Variants in MEX3A observed in about 807,000 individuals in gnomAD.
MEX3A encodes the protein mex-3 RNA binding family member A, also known as RNA-binding protein MEX3A.
MEX3A carries 4 observed loss-of-function variants against 30.0 expected under a neutral mutation model. The ratio of observed to expected loss-of-function variants is 0.13; its 90% confidence interval spans 0.07 to 0.30. The LOEUF (loss-of-function observed/expected upper bound fraction) is 0.30. Among genes scored for constraint, MEX3A ranks in the 10% least tolerant of loss-of-function variants. The pLI is 1.00. For missense variants in MEX3A, 555 were observed against 736.7 expected, an observed-to-expected ratio of 0.75 and a Z score of 2.86; for synonymous variants, 335 against 327.6, an observed-to-expected ratio of 1.02 and a Z score of -0.24.
In MEX3A at chr1:156,072,238, T is replaced by C. The variant is rs1647925533; in HGVS notation, c.*4336A>G. The C allele has an allele frequency of 6.5e-6, 1 of 152,678 alleles. No individual in the cohort carries two copies. Among genetic ancestry groups the C allele is most frequent in the Non-Finnish European group, 1.5e-5 (1 of 68,030 alleles). 9.5% of individuals were successfully genotyped at this position (152,678 alleles called of 1,614,324 possible). On this transcript the variant is annotated 3_prime_UTR_variant, in exon 2 of 2. Coordinates refer to ENST00000532414, the MANE Select transcript of MEX3A (RefSeq NM_001093725.2). ...AAATTAAGTCTGACCACAATCCTAC[T>C]CTACTTTCTACAGTGGAGAGACCAT...
At chr1:156,081,060 C>A (rs1648213603) in intron 1 of MEX3A, among the ~76,000 whole-genome samples, 1 of 152,148 alleles carries the variant, frequency 6.6e-6, no homozygotes, top group South Asian at 2.1e-4. Context: ...TTCCTACACT[C>A]AGCCCAACAA....
Position 156,074,324 on chromosome 1 carries a change from A to G in MEX3A, c.*2250T>C, listed in dbSNP as rs915977924. The G allele has an allele frequency of 6.6e-6, 1 of 150,558 alleles. No homozygotes were observed. Among genetic ancestry groups the G allele is most frequent in the Non-Finnish European group, 1.5e-5 (1 of 67,652 alleles). 9.3% of individuals were successfully genotyped at this position (150,558 alleles called of 1,614,324 possible). A position where few individuals can be genotyped will look rare whatever the true frequency, so the allele number is the denominator to read the frequency against. On this transcript the variant is annotated 3_prime_UTR_variant, in exon 2 of 2. Transcript: ENST00000532414. ...ACCTAATAAAAAGTCTTTTTTTTTC[A>G]TATTAGCCCAGGTTCTTTGCTACAT...
Position 156,076,972 on chromosome 1 carries a change from G to T in MEX3A, c.1165C>A (p.Pro389Thr), listed in dbSNP as rs371884319. Reference sequence around the variant, plus strand: ...TTCTCCTGGCCCGCCCACAGCGGGGGGCTAGTCTCGGCCACGCCGTAGTAC... The same window carrying T: ...TTCTCCTGGCCCGCCCACAGCGGGGTGCTAGTCTCGGCCACGCCGTAGTAC... ...DVYYGVAETS[P>T]PLWAGQENAT... The change falls in exon 2 of 2, where the codon CCC (proline) becomes ACC (threonine). Residue 389 changes from proline (P) to threonine (T), a missense_variant. Transcript: ENST00000532414. This position sits in a 1 kb window ranked among gnomAD's most constrained non-coding sequence, Gnocchi z 6.0. The T allele has an allele frequency of 2.1e-5, 34 of 1,612,012 alleles. No homozygotes were observed. Among genetic ancestry groups the T allele is most frequent in the Non-Finnish European group, 2.9e-5 (34 of 1,179,284 alleles).
In MEX3A at chr1:156,076,666, T is replaced by G. The variant is rs1648070953; in HGVS notation, c.1471A>C (p.Met491Leu). The change falls in exon 2 of 2, where the codon ATG (methionine) becomes CTG (leucine). Residue 491 changes from methionine (M) to leucine (L), a missense_variant. Around this residue, in one of 6 missense-constraint regions of MEX3A, gnomAD observed 15 missense variants for 59.4 expected, o/e 0.25. Coordinates refer to ENST00000532414, the MANE Select transcript of MEX3A (RefSeq NM_001093725.2). The surrounding 1 kb of genome is among the most constrained non-coding windows in gnomAD (Gnocchi z 6.0). ...LVPCGHNLFC[M>L]ECAVRICERT... Reference sequence around the variant, plus strand: ...TCGCAGATGCGTACTGCACACTCCATGCAGAACAGGTTGTGTCCGCAGGGC... The same window carrying G: ...TCGCAGATGCGTACTGCACACTCCAGGCAGAACAGGTTGTGTCCGCAGGGC... 1.2e-6 allele frequency: 2 copies of G among 1,613,990 alleles called. No individual in the cohort carries two copies. Among genetic ancestry groups the G allele is most frequent in the South Asian group, 1.1e-5 (1 of 91,088 alleles).
chr1:156,081,723 CGGGGCGGCCG>C lies in MEX3A; in HGVS notation c.266_275del (p.Pro89ArgfsTer35). 1.0e-6 allele frequency: 1 copy of C among 971,304 alleles called. No individual in the cohort carries two copies. Among genetic ancestry groups the C allele is most frequent in the Non-Finnish European group, 1.2e-6 (1 of 800,250 alleles). The allele number at this position is 971,304 out of a possible 1,614,324, so 60.2% of individuals were successfully genotyped here. A position where few individuals can be genotyped will look rare whatever the true frequency, so the allele number is the denominator to read the frequency against. On this transcript the variant is annotated frameshift_variant, in exon 1 of 2. Coordinates refer to ENST00000532414, the MANE Select transcript of MEX3A (RefSeq NM_001093725.2). LOFTEE classifies it high-confidence loss of function. Reference sequence around the variant, plus strand: ...GCGTCTGCGCTGCGGGGGCCGCCGTCGGGGCGGCCGGGGGCGCCGCGGGCGGCGGCGGCGG... The same window carrying C: ...GCGTCTGCGCTGCGGGGGCCGCCGTCGGGGCGCCGCGGGCGGCGGCGGCGG...
rs957843890 is a variant in MEX3A at position 156,075,737 on chromosome 1, G to A, written c.*837C>T. 3 of 153,190 alleles carry A rather than the reference G, an allele frequency of 2.0e-5. No individual in the cohort carries two copies. Among genetic ancestry groups the A allele is most frequent in the African/African-American group, 7.2e-5 (3 of 41,412 alleles). The allele number at this position is 153,190 out of a possible 1,614,324, so 9.5% of individuals were successfully genotyped here. ...GGAAGGGAAGAAAGACAAAGACAAG[G>A]AACAAGACAGAGCTGGGAGTGACAG... On this transcript the variant is annotated 3_prime_UTR_variant, in exon 2 of 2. Transcript: ENST00000532414.
rs765689944 is a variant in MEX3A, at chr1:156,077,061, T to C, written c.1076A>G (p.Gln359Arg). The C allele has an allele frequency of 3.1e-6, 5 of 1,613,736 alleles. No individual in the cohort carries two copies. The highest frequency in any genetic ancestry group is 1.3e-5 in the African/African-American group (1 of 74,926). ...CCCGCCGTAGCCAAAGTCCCCGCCCTGCTCACCCAGGCGTGGGGCCTCAAA... is the reference window on the plus strand; with the variant it reads ...CCCGCCGTAGCCAAAGTCCCCGCCCCGCTCACCCAGGCGTGGGGCCTCAAA... ...SGFEAPRLGE[Q>R]GGDFGYGGYL... is the part of the protein sequence containing the mutation. The change falls in exon 2 of 2, where the codon CAG becomes CGG. Residue 359 changes from glutamine to arginine, a missense_variant. Gln to Arg is a conservative substitution (Grantham distance 43). Around this residue, in one of 6 missense-constraint regions of MEX3A, gnomAD observed 281 missense variants for 265.1 expected, o/e 1.06. Coordinates refer to ENST00000532414, the MANE Select transcript of MEX3A (RefSeq NM_001093725.2). This position sits in a 1 kb window ranked among gnomAD's most constrained non-coding sequence, Gnocchi z 8.3.
chr1:156,079,256 C>T (rs1648154534), intron 1 of MEX3A, among the ~76,000 whole-genome samples: 1 of 152,052 alleles, frequency 6.6e-6, no homozygotes, highest in African/African-American at 2.4e-5. Flanking sequence ...CTCTGTCACC[C>T]AGGCTGGAGT....
At chr1:156,080,941 A>G (rs1208932921) in intron 1 of MEX3A, among the ~76,000 whole-genome samples, 1 of 152,120 alleles carries the variant, frequency 6.6e-6, no homozygotes, top group African/African-American at 2.4e-5. Flanking sequence ...AACCCCAGAG[A>G]CAATCCAACT....
At position 156,077,687 on chromosome 1, in the gene MEX3A, G is replaced by A. The variant is rs1186344880; in HGVS notation, c.455-5C>T. The A allele has an allele frequency of 1.9e-6, 3 of 1,578,238 alleles. No homozygotes were observed. In the East Asian group the frequency reaches 6.7e-5, roughly 35 times the overall value. ...TCAAGGCCTTAATCTTGCAGCCTGG[G>A]ATAGGGCGGGGAAGGAGAGAGACAA... On this transcript the variant is annotated splice_polypyrimidine_tract_variant and splice_region_variant and intron_variant, in intron 1 of 1. Transcript: ENST00000532414. This position sits in a 1 kb window ranked among gnomAD's most constrained non-coding sequence, Gnocchi z 8.3.
chr1:156,076,040 T>TG lies in MEX3A; in HGVS notation c.*533dup, dbSNP rs1648053550. ...TAGGACTCCAACTCCCTTACACTGC[T>TG]GGAAACTGGTGACAGTTTCCCAAAC... On this transcript the variant is annotated 3_prime_UTR_variant, in exon 2 of 2. Coordinates refer to ENST00000532414, the MANE Select transcript of MEX3A (RefSeq NM_001093725.2). This position sits in a 1 kb window ranked among gnomAD's most constrained non-coding sequence, Gnocchi z 6.0. 1 of 152,914 alleles carries TG rather than the reference T, an allele frequency of 6.5e-6. No homozygotes were observed. The highest frequency in any genetic ancestry group is 6.5e-5 in the Admixed American group (1 of 15,338). The allele number at this position is 152,914 out of a possible 1,614,324, so 9.5% of individuals were successfully genotyped here. A position where few individuals can be genotyped will look rare whatever the true frequency, so the allele number is the denominator to read the frequency against.
chr1:156,072,192 C>A lies in MEX3A; in HGVS notation c.*4382G>T, dbSNP rs529977552. 2.6e-5 allele frequency: 4 copies of A among 152,578 alleles called. No individual in the cohort carries two copies. The highest frequency in any genetic ancestry group is 5.9e-5 in the Non-Finnish European group (4 of 68,016). The allele number at this position is 152,578 out of a possible 1,614,324, so 9.5% of individuals were successfully genotyped here. On this transcript the variant is annotated 3_prime_UTR_variant, in exon 2 of 2. Transcript: ENST00000532414. ...AATCTTTTTCCTTGGTGGATTTGTA[C>A]GTGTCTTCACTAGATGCCTCAAATT... is the stretch of plus-strand genomic sequence containing the variant.
chr1:156,081,456 G>T, intron 1 of MEX3A, 89 bp downstream of exon 1: 1 of 1,157,212 alleles, frequency 8.6e-7, no homozygotes. Flanking sequence ...AGCCGGAGGC[G>T]GGCAAGAAGG....
Position 156,077,813 on chromosome 1 carries a change from C to G in MEX3A, c.455-131G>C. 1.5e-6 allele frequency: 2 copies of G among 1,311,900 alleles called. No homozygotes were observed. The highest frequency in any genetic ancestry group is 2.0e-6 in the Non-Finnish European group (2 of 986,234). The allele number at this position is 1,311,900 out of a possible 1,614,324, so 81.3% of individuals were successfully genotyped here. A position where few individuals can be genotyped will look rare whatever the true frequency, so the allele number is the denominator to read the frequency against. On this transcript the variant is annotated intron_variant, in intron 1 of 1. Transcript: ENST00000532414. This position sits in a 1 kb window ranked among gnomAD's most constrained non-coding sequence, Gnocchi z 8.3. ...ACACTTCAGTCTACCCTTTGAAATG[C>G]CCACTGCTGCACACACAGTCCACCC...
At position 156,075,772 on chromosome 1, in the gene MEX3A, G is replaced by GAAAGC. The variant is rs961764790; in HGVS notation, c.*797_*801dup. ...GAGCTGGGAGTGACAGCCACCAAAA[G>GAAAGC]AAAGCAAAGCAAAGAGCTGGAGGGA... On this transcript the variant is annotated 3_prime_UTR_variant, in exon 2 of 2. Coordinates refer to ENST00000532414, the MANE Select transcript of MEX3A (RefSeq NM_001093725.2). 1 of 153,176 alleles carries GAAAGC rather than the reference G, an allele frequency of 6.5e-6. No homozygotes were observed. Among genetic ancestry groups the GAAAGC allele is most frequent in the Non-Finnish European group, 1.5e-5 (1 of 68,478 alleles). 9.5% of individuals were successfully genotyped at this position (153,176 alleles called of 1,614,324 possible).
intron 1 of MEX3A, among the ~76,000 whole-genome samples, chr1:156,080,676 T>A (rs1648194569): frequency 6.6e-6 from 1 of 151,814 alleles, no homozygotes; most frequent in Admixed American, 6.5e-5. Flanking sequence ...GAGGGTGTGG[T>A]ACCAGACATA....
rs1406157757 is a variant in MEX3A at position 156,077,181 on chromosome 1, T to C, written c.956A>G (p.Asp319Gly). 6.2e-7 allele frequency: 1 copy of C among 1,613,414 alleles called. No homozygotes were observed. Among genetic ancestry groups the C allele is most frequent in the South Asian group, 1.1e-5 (1 of 91,072 alleles). Residue 319 changes from aspartate (D) to glycine (G), a missense_variant, in exon 2 of 2, where the codon GAC becomes GGC. By Grantham distance (94) the Asp-to-Gly change is moderately conservative. Coordinates refer to ENST00000532414, the MANE Select transcript of MEX3A (RefSeq NM_001093725.2). The surrounding 1 kb of genome is among the most constrained non-coding windows in gnomAD (Gnocchi z 8.3). ...PDAAIDSRYS[D>G]AWRVHQPGCK... ...GCCGGGCTGGTGCACCCGCCAGGCGTCGGAGTAGCGGCTATCGATTGCTGC... is the reference window on the plus strand; with the variant it reads ...GCCGGGCTGGTGCACCCGCCAGGCGCCGGAGTAGCGGCTATCGATTGCTGC...
chr1:156,074,135 A>G lies in MEX3A; in HGVS notation c.*2439T>C, dbSNP rs1387555466. ...TGGGGGAAAAAAGCAACGTAAACCCAAACATATATTAAAAACACTTTTTTT... is the reference window on the plus strand; with the variant it reads ...TGGGGGAAAAAAGCAACGTAAACCCGAACATATATTAAAAACACTTTTTTT... On this transcript the variant is annotated 3_prime_UTR_variant, in exon 2 of 2. Coordinates refer to ENST00000532414, the MANE Select transcript of MEX3A (RefSeq NM_001093725.2). 1 of 152,300 alleles carries G rather than the reference A, an allele frequency of 6.6e-6. No homozygotes were observed. The highest frequency in any genetic ancestry group is 1.5e-5 in the Non-Finnish European group (1 of 68,014). 9.4% of individuals were successfully genotyped at this position (152,300 alleles called of 1,614,324 possible). A position where few individuals can be genotyped will look rare whatever the true frequency, so the allele number is the denominator to read the frequency against.
chr1:156,080,602 C>T (rs532321850), intron 1 of MEX3A, among the ~76,000 whole-genome samples: 2 of 152,240 alleles, frequency 1.3e-5, no homozygotes, highest in African/African-American at 2.4e-5. Context: ...CCCAAGATCC[C>T]GTCTGCTCAA....
Sources: allele counts gnomAD v4.1 joint callset (sites outside exome capture counted in the v4.1 genomes callset), GRCh38; gene constraint gnomAD v4.1.1; regional missense constraint gnomAD v4.1.1; non-coding constraint Gnocchi (gnomAD v3.1); transcripts MANE v1.5; gene names NCBI Gene and HGNC (gene_info 2026-07-23, HGNC 2026-07-21).